EPB41L4B: variants seen among roughly 807,000 people sequenced by gnomAD.
EPB41L4B encodes erythrocyte membrane protein band 4.1 like 4B.
A neutral mutation model predicts 112.5 loss-of-function variants in EPB41L4B; 30 were observed. The ratio of observed to expected loss-of-function variants is 0.27; its 90% confidence interval spans 0.20 to 0.36. The LOEUF (loss-of-function observed/expected upper bound fraction) is 0.36. Ranked by LOEUF, EPB41L4B falls within the 10% of genes least tolerant of loss-of-function variation. The pLI, the probability that EPB41L4B is intolerant of heterozygous loss-of-function variation, is 1.00. For synonymous variants in EPB41L4B, 408 were observed against 439.7 expected, an observed-to-expected ratio of 0.93 and a Z score of 0.90; for missense variants, 1,024 against 1,133.3, an observed-to-expected ratio of 0.90 and a Z score of 1.38.
At chr9:109,185,842 T>C (rs1267243868) in intron 22 of EPB41L4B, among the ~76,000 whole-genome samples, 2 of 129,994 alleles carry the variant, frequency 1.5e-5, no homozygotes, top group African/African-American at 5.8e-5. Context: ...CTGTCTTTCA[T>C]CTGTTGTCTC....
chr9:109,175,116 C>T (rs554647855), intron 25 of EPB41L4B, among the ~76,000 whole-genome samples: 7 of 151,772 alleles, frequency 4.6e-5, no homozygotes, highest in Admixed American at 2.6e-4. Context: ...GGGGTTTCAC[C>T]GTGTTGCCCA....
At chr9:109,230,687 CTG>C (rs1310683358) in intron 15 of EPB41L4B, among the ~76,000 whole-genome samples, 3 of 152,184 alleles carry the variant, frequency 2.0e-5, no homozygotes, top group Non-Finnish European at 2.9e-5. Context: ...ATTTGAAACA[CTG>C]TACCTTTTTC....
In EPB41L4B at chr9:109,180,261, G is replaced by C. The variant is rs538764819; in HGVS notation, c.2487+2468C>G. On this transcript the variant is annotated intron_variant, in intron 24 of 25. Transcript: ENST00000374566. The stretch of plus-strand genomic sequence containing the variant: ...GCTCAGTTCTTAAAAGTCCCAGCAT[G>C]GTTTCTGCCATTGGCTTCCTGCTCC... Among the ~76,000 whole-genome samples the C allele has an allele frequency of 5.9e-5, 9 of 152,310 alleles. No homozygotes were observed. In the East Asian group the frequency reaches 1.7e-3, roughly 29 times the overall value.
intron 15 of EPB41L4B, among the ~76,000 whole-genome samples, chr9:109,219,264 C>T (rs1385064438): frequency 1.3e-5 from 2 of 152,224 alleles, no homozygotes; most frequent in African/African-American, 4.8e-5. Context: ...TAAGATTTAA[C>T]ACATGAAAAC....
At chr9:109,263,915 T>A (rs1475565981) in intron 5 of EPB41L4B, among the ~76,000 whole-genome samples, 1 of 152,184 alleles carries the variant, frequency 6.6e-6, no homozygotes, top group East Asian at 1.9e-4. Context: ...CAGGCTAAAC[T>A]GCATGTAAAC....
intron 15 of EPB41L4B, among the ~76,000 whole-genome samples, chr9:109,224,854 G>A (rs1017546138): frequency 6.6e-6 from 1 of 152,154 alleles, no homozygotes; most frequent in Admixed American, 6.5e-5. Flanking sequence ...CACATGGGGG[G>A]ATGGGGGCTC....
chr9:109,278,559 G>C (rs1337237749), intron 2 of EPB41L4B, among the ~76,000 whole-genome samples: 1 of 152,144 alleles, frequency 6.6e-6, no homozygotes, highest in African/African-American at 2.4e-5. Context: ...TATCTGATAA[G>C]TATCTTCCAG....
At chr9:109,293,113 C>G (rs1001478043) in intron 1 of EPB41L4B, among the ~76,000 whole-genome samples, 4 of 152,224 alleles carry the variant, frequency 2.6e-5, no homozygotes, top group African/African-American at 9.6e-5. Context: ...TCTTGACCAA[C>G]AGAACCCATC....
chr9:109,240,834 T>C, intron 15 of EPB41L4B: 3 of 985,484 alleles, frequency 3.0e-6, no homozygotes, highest in Non-Finnish European at 3.6e-6. Flanking sequence ...TTATGTCTTC[T>C]GAAATCACGC....
At chr9:109,204,937 A>G (rs1158396245) in intron 18 of EPB41L4B, among the ~76,000 whole-genome samples, 1 of 152,046 alleles carries the variant, frequency 6.6e-6, no homozygotes, top group Non-Finnish European at 1.5e-5. Flanking sequence ...CTGTGCATCA[A>G]CCTCCTCTCC....
At chr9:109,192,749 A>G (rs1332404743) in intron 21 of EPB41L4B, among the ~76,000 whole-genome samples, 1 of 152,220 alleles carries the variant, frequency 6.6e-6, no homozygotes, top group Non-Finnish European at 1.5e-5. Context: ...TCTGCACACT[A>G]AGAGCAATGA....
At chr9:109,314,097 G>A (rs1182845967) in intron 1 of EPB41L4B, among the ~76,000 whole-genome samples, 7 of 152,168 alleles carry the variant, frequency 4.6e-5, no homozygotes, top group Admixed American at 2.6e-4. Flanking sequence ...CAGCAGCCAC[G>A]GGCTACAGGT....
At chr9:109,228,144 GTGTTTC>G in intron 15 of EPB41L4B, among the ~76,000 whole-genome samples, 1 of 152,218 alleles carries the variant, frequency 6.6e-6, no homozygotes, top group African/African-American at 2.4e-5. Context: ...ACATTATCTA[GTGTTTC>G]ACCATTAAAT....
chr9:109,281,705 TAAATA>T (rs1564317084), intron 1 of EPB41L4B, among the ~76,000 whole-genome samples: 5 of 121,944 alleles, frequency 4.1e-5, no homozygotes, highest in South Asian at 5.7e-4. Flanking sequence ...AATAAATAAA[TAAATA>T]AATAAATAAA....
At chr9:109,176,530 G>A in intron 25 of EPB41L4B, 21 bp downstream of exon 25, 1 of 1,586,612 alleles carries the variant, frequency 6.3e-7, no homozygotes, top group Non-Finnish European at 8.6e-7. Flanking sequence ...TTACCTGTCG[G>A]AACCTGCTGA....
At chr9:109,180,580 G>A (rs996018779) in intron 24 of EPB41L4B, among the ~76,000 whole-genome samples, 37 of 152,220 alleles carry the variant, frequency 2.4e-4, no homozygotes, top group African/African-American at 7.9e-4. Context: ...TTTTCCCTCC[G>A]CCTGCCCTGC....
At chr9:109,268,461 G>C (rs887098526) in intron 2 of EPB41L4B, 28 bp from the exon 3 acceptor site, 1 of 1,598,310 alleles carries the variant, frequency 6.3e-7, no homozygotes, top group South Asian at 1.1e-5. Flanking sequence ...AGTTTCTTTA[G>C]GAATAGTTCA....
chr9:109,225,461 C>T (rs1833725488), intron 15 of EPB41L4B, among the ~76,000 whole-genome samples: 1 of 152,164 alleles, frequency 6.6e-6, no homozygotes, highest in Admixed American at 6.5e-5. Context: ...GTACATCTCA[C>T]ATGGCGGTAG....
intron 15 of EPB41L4B, among the ~76,000 whole-genome samples, chr9:109,232,240 C>A (rs1833977140): frequency 6.6e-6 from 1 of 152,056 alleles, no homozygotes; most frequent in Non-Finnish European, 1.5e-5. Context: ...GATCTGCCCA[C>A]CTTGGCCTCC....
Sources: allele counts gnomAD v4.1 joint callset (sites outside exome capture counted in the v4.1 genomes callset), GRCh38; gene constraint gnomAD v4.1.1; transcripts MANE v1.5; gene names NCBI Gene and HGNC (gene_info 2026-07-23, HGNC 2026-07-21).